Variants in LRP1B observed in about 807,000 individuals in gnomAD.
LRP1B encodes the protein LDL receptor related protein 1B.
Under a neutral mutation model 556.6 loss-of-function variants are expected in LRP1B, and 217 were observed. The observed-to-expected ratio is 0.39, with a 90% CI of 0.35 to 0.44. The LOEUF (loss-of-function observed/expected upper bound fraction) is 0.44, where lower values mean the gene tolerates loss of function less well. Ranked by LOEUF, LRP1B falls within the 20% of genes least tolerant of loss-of-function variation. LRP1B has a pLI of 1.00. For synonymous variants in LRP1B, 2,047 were observed against 1,865.8 expected, an observed-to-expected ratio of 1.10 and a Z score of -2.50; for missense variants, 5,053 against 5,620.8, an observed-to-expected ratio of 0.90 and a Z score of 3.23.
intron 60 of LRP1B, among the ~76,000 whole-genome samples, chr2:140,465,921 A>G (rs1687526944): frequency 6.6e-6 from 1 of 152,022 alleles, no homozygotes; most frequent in South Asian, 2.1e-4. Context: ...CTTTTATTGT[A>G]TTGTAAACAG....
In LRP1B at chr2:141,260,700, G is replaced by A. The variant is rs562356333; in HGVS notation, c.344-6059C>T. Among the ~76,000 whole-genome samples, 3 of 152,236 alleles carry A rather than the reference G, an allele frequency of 2.0e-5. No individual in the cohort carries two copies. In the South Asian group the frequency reaches 6.2e-4, roughly 32 times the overall value. ...AAATAACTCACATTGATCATGTATT[G>A]GATTTAGCAAGACAGTGAGAACATG... On this transcript the variant is annotated intron_variant, in intron 3 of 90. Transcript: ENST00000389484.
chr2:140,574,785 T>C (rs1371628442), intron 43 of LRP1B, among the ~76,000 whole-genome samples: 13 of 152,192 alleles, frequency 8.5e-5, no homozygotes, highest in Admixed American at 8.5e-4. Flanking sequence ...AACTAACCAG[T>C]GACTTCAGTA....
chr2:141,787,669 C>T (rs187709998), intron 2 of LRP1B, among the ~76,000 whole-genome samples: 3 of 151,716 alleles, frequency 2.0e-5, no homozygotes, highest in Admixed American at 6.6e-5. Flanking sequence ...TGATGTTCCA[C>T]AATAGTAGGC....
At chr2:141,168,286 T>C (rs536437472) in intron 7 of LRP1B, among the ~76,000 whole-genome samples, 2 of 152,200 alleles carry the variant, frequency 1.3e-5, no homozygotes, top group Admixed American at 1.3e-4. Flanking sequence ...GTATCTATTG[T>C]AAATGACGTG....
At chr2:140,548,963 A>T (rs1032549976) in intron 43 of LRP1B, among the ~76,000 whole-genome samples, 2 of 152,006 alleles carry the variant, frequency 1.3e-5, no homozygotes, top group South Asian at 4.2e-4. Context: ...AAACAAAAAA[A>T]CTGTAAATTA....
intron 1 of LRP1B, among the ~76,000 whole-genome samples, chr2:141,917,431 G>A (rs192434139): frequency 6.6e-6 from 1 of 152,272 alleles, no homozygotes; most frequent in Admixed American, 6.5e-5. Flanking sequence ...ACTGTAATGA[G>A]CATTTTATAT....
chr2:141,647,946 A>G (rs780201382), intron 2 of LRP1B, among the ~76,000 whole-genome samples: 9 of 152,108 alleles, frequency 5.9e-5, no homozygotes, highest in African/African-American at 9.7e-5. Context: ...AAAATTTTTT[A>G]ATCTACATAA....
intron 59 of LRP1B, among the ~76,000 whole-genome samples, chr2:140,480,901 C>CT (rs1688209137): frequency 6.6e-6 from 1 of 152,176 alleles, no homozygotes; most frequent in Non-Finnish European, 1.5e-5. Flanking sequence ...AAGTCTCACT[C>CT]TGTCATGCAG....
At chr2:141,151,979 A>T (rs1701937487) in intron 7 of LRP1B, among the ~76,000 whole-genome samples, 2 of 152,044 alleles carry the variant, frequency 1.3e-5, no homozygotes, top group South Asian at 4.1e-4. Flanking sequence ...AATATTTAAT[A>T]TCTTGCTTTT....
chr2:141,307,463 C>CT (rs1198437570), intron 3 of LRP1B, among the ~76,000 whole-genome samples: 1 of 151,878 alleles, frequency 6.6e-6, no homozygotes, highest in African/African-American at 2.4e-5. Flanking sequence ...ATGGAATATC[C>CT]TTTTTTTATC....
chr2:141,411,643 T>C (rs1410398271), intron 3 of LRP1B, among the ~76,000 whole-genome samples: 3 of 152,136 alleles, frequency 2.0e-5, no homozygotes, highest in Non-Finnish European at 4.4e-5. Flanking sequence ...TGCGTGCGTG[T>C]GTGTCTGTGT....
chr2:141,121,687 T>C (rs902545374), intron 7 of LRP1B, among the ~76,000 whole-genome samples: 1 of 152,086 alleles, frequency 6.6e-6, no homozygotes, highest in African/African-American at 2.4e-5. Context: ...AGGTAATTTA[T>C]AGATTCAATG....
In LRP1B at chr2:141,121,244, C is replaced by T. The variant is rs534590127; in HGVS notation, c.1014-58971G>A. Among the ~76,000 whole-genome samples, 31 of 152,132 alleles carry T rather than the reference C, an allele frequency of 2.0e-4. 1 individual carries two copies. The East Asian group carries it at 3.1e-3, about 15-fold the overall frequency. On this transcript the variant is annotated intron_variant, in intron 7 of 90. Coordinates refer to ENST00000389484, the MANE Select transcript of LRP1B (RefSeq NM_018557.3). ...GTGTTAAACTCCGCCTGTTTAGAAG[C>T]GTCTATAAATCCTATCATGAATCTG... is the stretch of plus-strand genomic sequence containing the variant.
intron 1 of LRP1B, among the ~76,000 whole-genome samples, chr2:141,969,017 G>T (rs988424184): frequency 6.6e-6 from 1 of 150,868 alleles, no homozygotes; most frequent in African/African-American, 2.4e-5. Flanking sequence ...ATACATTCAT[G>T]CATTCAATCT....
At chr2:140,702,317 T>G in intron 38 of LRP1B, 25 bp from the exon 39 acceptor site, 1 of 1,611,458 alleles carries the variant, frequency 6.2e-7, no homozygotes, top group Non-Finnish European at 8.5e-7. Flanking sequence ...AGAAGTAACG[T>G]TACAGACTAT....
chr2:141,884,154 C>A (rs1346209277), intron 1 of LRP1B, among the ~76,000 whole-genome samples: 2 of 152,086 alleles, frequency 1.3e-5, no homozygotes, highest in African/African-American at 4.8e-5. Context: ...GTGGGAGGAT[C>A]CCTTGAGGCC....
intron 86 of LRP1B, among the ~76,000 whole-genome samples, chr2:140,258,114 G>C (rs17385695): frequency 4.6e-5 from 7 of 152,050 alleles, no homozygotes; most frequent in African/African-American, 1.2e-4. Flanking sequence ...TGCAACAAAG[G>C]CTTCTCCAAT....
At chr2:140,708,302 T>A (rs757580625) in intron 37 of LRP1B, among the ~76,000 whole-genome samples, 20 of 151,946 alleles carry the variant, frequency 1.3e-4, no homozygotes, top group Non-Finnish European at 2.6e-4. Context: ...TTTGAGTTGT[T>A]CTTTCTGTTT....
At chr2:141,405,656 T>A (rs138863736) in intron 3 of LRP1B, among the ~76,000 whole-genome samples, 6 of 152,192 alleles carry the variant, frequency 3.9e-5, no homozygotes, top group African/African-American at 1.4e-4. Flanking sequence ...AAATGATTAA[T>A]CTCATTATTA....
Sources: gnomAD v4.1 joint callset for allele counts (sites outside exome capture counted in the v4.1 genomes callset) on GRCh38, gnomAD v4.1.1 for gene constraint, MANE v1.5 for transcripts, NCBI Gene and HGNC (gene_info 2026-07-23, HGNC 2026-07-21) for gene names.